The following KAT5 variants were observed in gnomAD, a reference collection of about 807,000 sequenced individuals.
The protein encoded by KAT5 is lysine acetyltransferase 5, also known as histone acetyltransferase KAT5.
Under a neutral mutation model 68.1 loss-of-function variants are expected in KAT5, and 31 were observed. The ratio of observed to expected loss-of-function variants is 0.46; its 90% CI spans 0.34 to 0.61. The LOEUF (loss-of-function observed/expected upper bound fraction) is 0.61. KAT5 is among the 20% of genes least tolerant of loss of function. The probability of loss-of-function intolerance (pLI) is 0.01; values close to 1 mark genes in which losing one functional copy is unlikely to be tolerated. For missense variants in KAT5, 451 were observed against 725.5 expected, an observed-to-expected ratio of 0.62 and a Z score of 4.35; for synonymous variants, 365 against 292.6, an observed-to-expected ratio of 1.25 and a Z score of -2.52.
Position 65,713,507 on chromosome 11 carries a change from C to T in KAT5, c.540+4C>T, listed in dbSNP as rs765753521. On this transcript the variant is annotated splice_donor_region_variant and intron_variant, in intron 4 of 12. Transcript: ENST00000341318. ...GCAGCCCAACCACCGCTCAACGGTACCCTCAGCAATTCCAGGGACCTTGCT... is the reference window on the plus strand; with the variant it reads ...GCAGCCCAACCACCGCTCAACGGTATCCTCAGCAATTCCAGGGACCTTGCT... 6.2e-7 allele frequency: 1 copy of T among 1,614,192 alleles called. No individual in the cohort carries two copies. The highest frequency in any genetic ancestry group is 1.3e-5 in the African/African-American group (1 of 75,060).
rs1857077177 is a variant in KAT5 at position 65,713,057 on chromosome 11, T to G, written c.383T>G (p.Val128Gly). Reference protein sequence around the residue: ...GSRPGSPEREVPASAQASGKT... With the variant: ...GSRPGSPEREGPASAQASGKT... The stretch of plus-strand genomic sequence containing the variant: ...CGTCCTGGCTCTCCAGAGAGAGAGG[T>G]GGTGAGTAGGTCCCCCACTTCACCT... The change falls in exon 3 of 13, where the codon GTG (valine) becomes GGG (glycine). Residue 128 changes from valine (V) to glycine (G), a missense_variant and splice_region_variant. Coordinates refer to ENST00000341318, the MANE Select transcript of KAT5 (RefSeq NM_182710.3). The G allele has an allele frequency of 6.2e-7, 1 of 1,612,486 alleles. No homozygotes were observed.
chr11:65,712,061 G>A (rs903631030), upstream of KAT5: 44 of 463,744 alleles, frequency 9.5e-5, no homozygotes, highest in Non-Finnish European at 1.1e-5. Flanking sequence ...GCACGTTATG[G>A]GGTTTCCACC....
intron 8 of KAT5, 77 bp from the exon 9 acceptor site, chr11:65,716,590 G>T (rs1323942904): frequency 3.5e-6 from 5 of 1,418,754 alleles, no homozygotes; most frequent in Non-Finnish European, 4.9e-6. Context: ...GAACAGTGAA[G>T]CTCCTGGTTG....
rs1398024318 is a variant in KAT5 at position 65,719,546 on chromosome 11, A to G, written c.*365A>G. 1 of 620,282 alleles carries G rather than the reference A, an allele frequency of 1.6e-6. No homozygotes were observed. Among genetic ancestry groups the G allele is most frequent in the Non-Finnish European group, 2.8e-6 (1 of 353,236 alleles). 38.4% of individuals were successfully genotyped at this position (620,282 alleles called of 1,614,324 possible). ...GGGGGTGGGGTGGGTGCTGGCTGCA[A>G]AAATTTCTGGCTTCTCTTACCCCTA... On this transcript the variant is annotated 3_prime_UTR_variant, in exon 13 of 13. Transcript: ENST00000341318.
At chr11:65,712,023 A>T, upstream of KAT5, 1 of 388,796 alleles carries the variant, frequency 2.6e-6, no homozygotes, top group Non-Finnish European at 4.6e-6. Context: ...GCGTCACGTG[A>T]CGGACTCAGT....
chr11:65,713,240 G>A, intron 3 of KAT5, 108 bp from the exon 4 acceptor site: 1 of 1,347,390 alleles, frequency 7.4e-7, no homozygotes, highest in East Asian at 2.3e-5. Flanking sequence ...GTGTCCTTCA[G>A]AAGGCGAGGG....
intron 10 of KAT5, chr11:65,717,323 G>A (rs4645931): frequency 6.5e-5 from 26 of 403,036 alleles, no homozygotes; most frequent in South Asian, 4.4e-4. Flanking sequence ...GCCATGATAC[G>A]AGTACTGGGG....
intron 10 of KAT5, chr11:65,717,965 T>C (rs1857258524): frequency 6.5e-6 from 1 of 153,826 alleles, no homozygotes; most frequent in Admixed American, 6.4e-5. Flanking sequence ...AGGATCTCAC[T>C]GGGGACGGCC....
In KAT5 at chr11:65,712,462, G is replaced by A. The variant is rs746060161; in HGVS notation, c.178+17G>A. 3 of 1,586,354 alleles carry A rather than the reference G, an allele frequency of 1.9e-6. No homozygotes were observed. Among genetic ancestry groups the A allele is most frequent in the South Asian group, 1.1e-5 (1 of 87,034 alleles). Reference sequence around the variant, plus strand: ...ATGAGTGGCGTGAGTGACGTTGGGGGGCGGGACTAAGGAACCTGAGGGCGA... The same window carrying A: ...ATGAGTGGCGTGAGTGACGTTGGGGAGCGGGACTAAGGAACCTGAGGGCGA... On this transcript the variant is annotated intron_variant, in intron 1 of 12. Transcript: ENST00000341318.
Position 65,719,281 on chromosome 11 carries a change from G to A in KAT5, c.*100G>A. 7.1e-7 allele frequency: 1 copy of A among 1,404,680 alleles called. No individual in the cohort carries two copies. The highest frequency in any genetic ancestry group is 9.7e-7 in the Non-Finnish European group (1 of 1,027,448). 87.0% of individuals were successfully genotyped at this position (1,404,680 alleles called of 1,614,324 possible). A position where few individuals can be genotyped will look rare whatever the true frequency, so the allele number is the denominator to read the frequency against. ...TCCCACAAAGCACTCTAAGGGAGATGGGGCTGAGGACAGCTCAAAAAGGAG... is the reference window on the plus strand; with the variant it reads ...TCCCACAAAGCACTCTAAGGGAGATAGGGCTGAGGACAGCTCAAAAAGGAG... On this transcript the variant is annotated 3_prime_UTR_variant, in exon 13 of 13. Transcript: ENST00000341318.
At position 65,714,871 on chromosome 11, in the gene KAT5, C is replaced by T. The variant is rs757570608; in HGVS notation, c.990C>T (p.Gly330=). ...CAGGCAATGAGATTTACCGCAAGGGCACCATCTCCTTCTTTGAGATTGATG... is the reference window on the plus strand; with the variant it reads ...CAGGCAATGAGATTTACCGCAAGGGTACCATCTCCTTCTTTGAGATTGATG... ...HPPGNEIYRK[G]TISFFEIDGR... Residue 330 remains glycine, a synonymous_variant, in exon 8 of 13, where the codon GGC becomes GGT. Coordinates refer to ENST00000341318, the MANE Select transcript of KAT5 (RefSeq NM_182710.3). 1.2e-6 allele frequency: 2 copies of T among 1,614,096 alleles called. No homozygotes were observed. The highest frequency in any genetic ancestry group is 2.7e-5 in the African/African-American group (2 of 74,938).
At position 65,714,634 on chromosome 11, in the gene KAT5, C is replaced by T. The variant is rs944216149; in HGVS notation, c.830C>T (p.Pro277Leu). 1.2e-6 allele frequency: 2 copies of T among 1,614,188 alleles called. No individual in the cohort carries two copies. The highest frequency in any genetic ancestry group is 1.1e-5 in the South Asian group (1 of 91,086). The change falls in exon 7 of 13, where the codon CCG (proline) becomes CTG (leucine). Residue 277 changes from proline (P) to leucine (L), a missense_variant. Transcript: ENST00000341318. ...CIELGRHRLK[P>L]WYFSPYPQEL... ...GAGCTGGGCCGGCACCGCCTCAAGC[C>T]GTGGTACTTCTCCCCGTACCCACAG...
At chr11:65,717,181 C>T (rs1857225795) in intron 10 of KAT5, 199 bp downstream of exon 10, 4 of 600,784 alleles carry the variant, frequency 6.7e-6, no homozygotes, top group Non-Finnish European at 8.9e-6. Context: ...AGGTTCTCAG[C>T]CCCCCAGTTT....
rs745952989 is a variant in KAT5 at position 65,714,701 on chromosome 11, C to T, written c.897C>T (p.Cys299=). 6.2e-7 allele frequency: 1 copy of T among 1,614,094 alleles called. No homozygotes were observed. Among genetic ancestry groups the T allele is most frequent in the Non-Finnish European group, 8.5e-7 (1 of 1,180,050 alleles). The change falls in exon 7 of 13, where the codon TGC becomes TGT. Residue 299 remains cysteine, a synonymous_variant. Coordinates refer to ENST00000341318, the MANE Select transcript of KAT5 (RefSeq NM_182710.3). The stretch of plus-strand genomic sequence containing the variant: ...CTGTCCTCTACCTGTGCGAGTTCTG[C>T]CTCAAGTACGGCCGTAGTCTCAAGT... ...TLPVLYLCEF[C]LKYGRSLKCL... is the part of the protein sequence containing the mutation.
At position 65,714,813 on chromosome 11, in the gene KAT5, T is replaced by C. The variant is rs776444982; in HGVS notation, c.940-8T>C. 9.3e-6 allele frequency: 15 copies of C among 1,614,062 alleles called. No individual in the cohort carries two copies. The East Asian group carries it at 3.3e-4, about 36-fold the overall frequency. On this transcript the variant is annotated splice_region_variant and splice_polypyrimidine_tract_variant and intron_variant, in intron 7 of 12. Transcript: ENST00000341318. ...TGCCCTTGTTCCTGATCCTCCTCTC[T>C]TCCCCAGACCAAGTGTGACCTACGA... is the stretch of plus-strand genomic sequence containing the variant.
chr11:65,713,120 T>C (rs981824884), intron 3 of KAT5, 62 bp downstream of exon 3: 4 of 1,599,416 alleles, frequency 2.5e-6, no homozygotes. Context: ...TCTGTTGGCA[T>C]TAGGAGCTCC....
intron 6 of KAT5, chr11:65,714,252 G>A: frequency 5.3e-6 from 3 of 569,322 alleles, no homozygotes; most frequent in East Asian, 6.0e-5. Context: ...CCAAGATCGC[G>A]CTACTGCCCT....
upstream of KAT5, chr11:65,712,026 G>A (rs1857032825): frequency 3.6e-5 from 14 of 394,246 alleles, no homozygotes; most frequent in Admixed American, 5.0e-4. Context: ...TCACGTGACG[G>A]ACTCAGTAGA....
At chr11:65,713,278 A>T in intron 3 of KAT5, 70 bp from the exon 4 acceptor site, 1 of 1,505,244 alleles carries the variant, frequency 6.6e-7, no homozygotes, top group South Asian at 1.2e-5. Context: ...GAGGTGAGGG[A>T]CCCCTCTTCC....
Sources: gnomAD v4.1 joint callset for allele counts on GRCh38, gnomAD v4.1.1 for gene constraint, MANE v1.5 for transcripts, NCBI Gene and HGNC (gene_info 2026-07-23, HGNC 2026-07-21) for gene names.